PAFAH1B1: variants seen among roughly 807,000 people sequenced by gnomAD.
PAFAH1B1 encodes platelet activating factor acetylhydrolase 1b regulatory subunit 1, also known as platelet-activating factor acetylhydrolase IB subunit beta.
A neutral mutation model predicts 57.5 loss-of-function variants in PAFAH1B1; 2 were observed. That is an observed-to-expected ratio of 0.03 (90% confidence interval 0.01 to 0.11). The LOEUF (loss-of-function observed/expected upper bound fraction) is 0.11, where lower values mean the gene tolerates loss of function less well. PAFAH1B1 is among the 10% of genes least tolerant of loss of function. PAFAH1B1 has a pLI of 1.00. For synonymous variants in PAFAH1B1, 152 were observed against 169.6 expected, an observed-to-expected ratio of 0.90 and a Z score of 0.81; for missense variants, 257 against 512.0, an observed-to-expected ratio of 0.50 and a Z score of 4.81.
At chr17:2,671,082 A>G (rs891630837) in intron 6 of PAFAH1B1, among the ~76,000 whole-genome samples, 4 of 152,238 alleles carry the variant, frequency 2.6e-5, no homozygotes, top group African/African-American at 9.6e-5. Context: ...TTAACACATG[A>G]GTAAACTGTG....
At chr17:2,643,341 A>G (rs1597546433) in intron 2 of PAFAH1B1, among the ~76,000 whole-genome samples, 1 of 151,572 alleles carries the variant, frequency 6.6e-6, no homozygotes, top group Admixed American at 6.6e-5. Flanking sequence ...CAGGTCTCGA[A>G]CTCCTGGGCT....
intron 2 of PAFAH1B1, among the ~76,000 whole-genome samples, chr17:2,656,459 T>C (rs1253298052): frequency 6.6e-6 from 1 of 151,682 alleles, no homozygotes; most frequent in South Asian, 2.1e-4. Flanking sequence ...TTTTTTTTTT[T>C]CAAAGAGTGA....
At position 2,656,944 on chromosome 17, in the gene PAFAH1B1, C is replaced by T. The variant is rs573015019; in HGVS notation, c.33-8428C>T. ...ATTTAGAGCAGTTTTTTTTTTGAGA[C>T]AGAGTCTCGCTCTGTAGCCCAGGCT... On this transcript the variant is annotated intron_variant, in intron 2 of 10. Coordinates refer to ENST00000397195, the MANE Select transcript of PAFAH1B1 (RefSeq NM_000430.4). Among the ~76,000 whole-genome samples the T allele has an allele frequency of 5.9e-5, 9 of 152,010 alleles. No individual in the cohort carries two copies. In the East Asian group the frequency reaches 1.7e-3, roughly 29 times the overall value.
At chr17:2,658,147 C>T (rs901730782) in intron 2 of PAFAH1B1, among the ~76,000 whole-genome samples, 1 of 152,210 alleles carries the variant, frequency 6.6e-6, no homozygotes, top group African/African-American at 2.4e-5. Flanking sequence ...GCAGGCCATG[C>T]AGTTTTTTTC....
At chr17:2,616,966 G>T (rs1467950236) in intron 1 of PAFAH1B1, among the ~76,000 whole-genome samples, 2 of 151,956 alleles carry the variant, frequency 1.3e-5, no homozygotes, top group African/African-American at 2.4e-5. Context: ...CCAGCTACTC[G>T]GGAGGCTGAG....
chr17:2,630,502 T>G (rs2068541958), intron 1 of PAFAH1B1, among the ~76,000 whole-genome samples: 1 of 152,198 alleles, frequency 6.6e-6, no homozygotes, highest in Admixed American at 6.5e-5. Context: ...AGGTTTTCCT[T>G]TATAGGTTAC....
chr17:2,645,839 C>T (rs1567544034), intron 2 of PAFAH1B1, among the ~76,000 whole-genome samples: 2 of 150,800 alleles, frequency 1.3e-5, no homozygotes, highest in South Asian at 2.1e-4. Flanking sequence ...CTCCTGACCT[C>T]GTGATCCACC....
chr17:2,676,970 G>A (rs1471321841), intron 9 of PAFAH1B1, among the ~76,000 whole-genome samples: 4 of 152,094 alleles, frequency 2.6e-5, no homozygotes, highest in Non-Finnish European at 1.5e-5. Flanking sequence ...AGCTAACTTG[G>A]GGAAATCCCG....
intron 2 of PAFAH1B1, among the ~76,000 whole-genome samples, chr17:2,658,826 A>T (rs2068974245): frequency 6.6e-6 from 1 of 152,200 alleles, no homozygotes; most frequent in Non-Finnish European, 1.5e-5. Flanking sequence ...GAAGGATGGT[A>T]ATGGCAATCA....
rs572150600 is a variant in PAFAH1B1, at chr17:2,623,770, C to A, written c.-190-14329C>A. Among the ~76,000 whole-genome samples the A allele has an allele frequency of 2.4e-4, 33 of 137,406 alleles. No individual in the cohort carries two copies. The East Asian group carries it at 6.6e-3, about 27-fold the overall frequency. The allele number at this position is 137,406 out of a possible 152,430, so 90.1% of individuals were successfully genotyped here. On this transcript the variant is annotated intron_variant, in intron 1 of 10. Transcript: ENST00000397195. ...AGCCTCCAGGTAGCTGGGATCCCAG[C>A]CACAGTAGCTGGGATTAGCCACCAC...
At chr17:2,675,245 C>T (rs747551661) in intron 8 of PAFAH1B1, among the ~76,000 whole-genome samples, 8 of 152,086 alleles carry the variant, frequency 5.3e-5, no homozygotes, top group East Asian at 3.9e-4. Context: ...TCAAGTGATC[C>T]GACCACCTCA....
intron 2 of PAFAH1B1, among the ~76,000 whole-genome samples, chr17:2,646,411 A>T (rs1008639744): frequency 7.4e-6 from 1 of 134,242 alleles, no homozygotes; most frequent in Non-Finnish European, 1.6e-5. Flanking sequence ...GGTTTGAAAC[A>T]ATCTGCTGGG....
At chr17:2,674,658 A>G (rs1348369833) in intron 8 of PAFAH1B1, among the ~76,000 whole-genome samples, 4 of 152,228 alleles carry the variant, frequency 2.6e-5, no homozygotes, top group African/African-American at 9.6e-5. Context: ...TTATAAATTT[A>G]TGGTAAAATG....
At position 2,616,841 on chromosome 17, in the gene PAFAH1B1, A is replaced by T. The variant is rs572780896; in HGVS notation, c.-190-21258A>T. Among the ~76,000 whole-genome samples, 18 of 152,172 alleles carry T rather than the reference A, an allele frequency of 1.2e-4. No individual in the cohort carries two copies. In the South Asian group the frequency reaches 3.5e-3, roughly 30 times the overall value. On this transcript the variant is annotated intron_variant, in intron 1 of 10. Coordinates refer to ENST00000397195, the MANE Select transcript of PAFAH1B1 (RefSeq NM_000430.4). ...CACTTTGGGAGGCCGAGGCGAACAG[A>T]TCACGAGGTCAAGAGATCGAGACCA...
chr17:2,648,116 G>A (rs149545418), intron 2 of PAFAH1B1, among the ~76,000 whole-genome samples: 7 of 152,204 alleles, frequency 4.6e-5, no homozygotes, highest in South Asian at 2.1e-4. Context: ...AGCACACGTC[G>A]TCCTTCACAT....
intron 2 of PAFAH1B1, among the ~76,000 whole-genome samples, chr17:2,654,521 T>C (rs1303052902): frequency 2.0e-5 from 3 of 152,184 alleles, no homozygotes; most frequent in Non-Finnish European, 2.9e-5. Flanking sequence ...TCTATAATCA[T>C]ATTGTCTATA....
intron 2 of PAFAH1B1, among the ~76,000 whole-genome samples, chr17:2,647,151 G>A (rs2068779826): frequency 6.6e-6 from 1 of 151,978 alleles, no homozygotes; most frequent in African/African-American, 2.4e-5. Context: ...GGAGTTCAAG[G>A]CCAACCTGGC....
rs2068421993 is a variant in PAFAH1B1, at chr17:2,621,605, G to GTTTTTTTTTTTTTTTT, written c.-190-16493_-190-16492insTTTTTTTTTTTTTTTT. Among the ~76,000 whole-genome samples, 8 of 93,206 alleles carry GTTTTTTTTTTTTTTTT rather than the reference G, an allele frequency of 8.6e-5. 1 individual carries two copies. The highest frequency in any genetic ancestry group is 1.4e-4 in the African/African-American group (3 of 21,296). The allele number at this position is 93,206 out of a possible 152,430, so 61.1% of individuals were successfully genotyped here. A position where few individuals can be genotyped will look rare whatever the true frequency, so the allele number is the denominator to read the frequency against. On this transcript the variant is annotated intron_variant, in intron 1 of 10. Transcript: ENST00000397195. ...GCTATTCAAGCATGGTAGATAATCT[G>GTTTTTTTTTTTTTTTT]TCTTTTTTTTTTTTTTTTTTTTTTT...
intron 4 of PAFAH1B1, among the ~76,000 whole-genome samples, chr17:2,666,314 C>T (rs1186762513): frequency 6.6e-6 from 1 of 152,054 alleles, no homozygotes; most frequent in African/African-American, 2.4e-5. Flanking sequence ...ATAGTCCTGA[C>T]TTTGAGGAAT....
Sources: allele counts gnomAD v4.1 joint callset (sites outside exome capture counted in the v4.1 genomes callset), GRCh38; gene constraint gnomAD v4.1.1; transcripts MANE v1.5; gene names NCBI Gene and HGNC (gene_info 2026-07-23, HGNC 2026-07-21).